STYX: variants seen among roughly 807,000 people sequenced by gnomAD.
The protein encoded by STYX is serine/threonine/tyrosine interacting protein, also known as serine/threonine/tyrosine-interacting protein.
A neutral mutation model predicts 42.7 loss-of-function variants in STYX; 20 were observed. The observed-to-expected ratio is 0.47, with a 90% confidence interval of 0.33 to 0.68. STYX has a LOEUF of 0.68. Among genes scored for constraint, STYX ranks in the 30% least tolerant of loss-of-function variants. The pLI is 0.02. For missense variants in STYX, 226 were observed against 268.5 expected (o/e 0.84, Z 1.11); for synonymous variants, 78 against 81.9 (o/e 0.95, Z 0.26).
chr14:52,759,663 A>G lies in STYX; in HGVS notation c.432-19A>G, dbSNP rs141718438. On this transcript the variant is annotated intron_variant, in intron 8 of 10. Coordinates refer to ENST00000354586, the MANE Select transcript of STYX (RefSeq NM_145251.4). ...CATTAAATAATGCTATCACATTAAC[A>G]CTCTTTTTCTGTTTTCAGAGATGCT... 4.5e-4 allele frequency: 687 copies of G among 1,524,592 alleles called. 6 individuals carry two copies. The African/African-American group carries it at 8.5e-3, about 19-fold the overall frequency. The allele number at this position is 1,524,592 out of a possible 1,614,324, so 94.4% of individuals were successfully genotyped here. A position where few individuals can be genotyped will look rare whatever the true frequency, so the allele number is the denominator to read the frequency against.
At chr14:52,754,036 T>A (rs1166091795) in intron 4 of STYX, among the ~76,000 whole-genome samples, 1 of 150,902 alleles carries the variant, frequency 6.6e-6, no homozygotes, top group Non-Finnish European at 1.5e-5. Flanking sequence ...ATTACAGGCA[T>A]GTGCCACCAC....
At chr14:52,745,063 A>G (rs1048850258) in intron 2 of STYX, among the ~76,000 whole-genome samples, 179 bp downstream of exon 2, 2 of 151,948 alleles carry the variant, frequency 1.3e-5, no homozygotes, top group Non-Finnish European at 2.9e-5. Flanking sequence ...GAAATTAGAA[A>G]GAGGAACGTA....
At chr14:52,740,678 C>T (rs1881152184) in intron 1 of STYX, among the ~76,000 whole-genome samples, 1 of 152,190 alleles carries the variant, frequency 6.6e-6, no homozygotes, top group Non-Finnish European at 1.5e-5. Flanking sequence ...TGTCCTCTGG[C>T]TTCTGTTCAT....
At chr14:52,734,740 A>C (rs1010164012) in intron 1 of STYX, among the ~76,000 whole-genome samples, 1 of 152,224 alleles carries the variant, frequency 6.6e-6, no homozygotes. Flanking sequence ...GTTGCAAGCA[A>C]CAAAAACGAA....
chr14:52,741,781 A>C (rs997502172), intron 1 of STYX, among the ~76,000 whole-genome samples: 1 of 151,916 alleles, frequency 6.6e-6, no homozygotes, highest in African/African-American at 2.4e-5. Flanking sequence ...TTATTTCTAC[A>C]TATTCTGTGT....
chr14:52,756,509 T>C, intron 4 of STYX, 42 bp from the exon 5 acceptor site: 1 of 1,161,544 alleles, frequency 8.6e-7, no homozygotes, highest in Non-Finnish European at 1.2e-6. Context: ...ACCTTAAGTG[T>C]TTTACTTAAA....
chr14:52,748,323 G>A (rs540832840), intron 3 of STYX, among the ~76,000 whole-genome samples: 1 of 152,196 alleles, frequency 6.6e-6, no homozygotes, highest in African/African-American at 2.4e-5. Flanking sequence ...CAAACTCCTG[G>A]GCTCAAGCTG....
At chr14:52,755,612 G>A (rs964710574) in intron 4 of STYX, among the ~76,000 whole-genome samples, 25 of 151,616 alleles carry the variant, frequency 1.6e-4, no homozygotes, top group Admixed American at 6.6e-5. Context: ...ACAAAAATAA[G>A]CTAACATATT....
At chr14:52,752,333 C>G (rs558581066) in intron 4 of STYX, among the ~76,000 whole-genome samples, 1 of 151,984 alleles carries the variant, frequency 6.6e-6, no homozygotes, top group East Asian at 1.9e-4. Context: ...GGCGTGGTGG[C>G]ACATGCCTGT....
intron 1 of STYX, 30 bp downstream of exon 1, chr14:52,730,561 G>A (rs748641389): frequency 6.2e-7 from 1 of 1,610,300 alleles, no homozygotes; most frequent in Non-Finnish European, 8.5e-7. Flanking sequence ...GCCACGCACA[G>A]GCCTCTCCCT....
Position 52,730,276 on chromosome 14 carries a change from C to T in STYX, c.-199C>T. The stretch of plus-strand genomic sequence containing the variant: ...GGCCGGGTGTAAGACGCCCGACCCT[C>T]CTCTTCCCTGTCTTCGCCGCCGCCG... On this transcript the variant is annotated 5_prime_UTR_variant, in exon 1 of 11. Coordinates refer to ENST00000354586, the MANE Select transcript of STYX (RefSeq NM_145251.4). The T allele has an allele frequency of 1.7e-6, 1 of 604,048 alleles. No homozygotes were observed. Among genetic ancestry groups the T allele is most frequent in the Non-Finnish European group, 3.0e-6 (1 of 338,310 alleles). 37.4% of individuals were successfully genotyped at this position (604,048 alleles called of 1,614,324 possible). A position where few individuals can be genotyped will look rare whatever the true frequency, so the allele number is the denominator to read the frequency against.
Position 52,739,028 on chromosome 14 carries a change from G to A in STYX, c.58-5824G>A, listed in dbSNP as rs551532738. 3.0e-3 allele frequency among the ~76,000 whole-genome samples: 450 copies of A among 148,342 alleles called. 2 individuals are homozygous for A. The highest frequency in any genetic ancestry group is 0.011 in the African/African-American group (437 of 39,984). ...CCTGTGATACCCCCATGCACATAAT[G>A]AATCTGTATACCTTTTCTCCGTTTA... On this transcript the variant is annotated intron_variant, in intron 1 of 10. Transcript: ENST00000354586.
At chr14:52,752,180 C>CA (rs58090538) in intron 4 of STYX, among the ~76,000 whole-genome samples, 31 of 149,274 alleles carry the variant, frequency 2.1e-4, no homozygotes, top group East Asian at 1.2e-3. Context: ...CAAAACAAAA[C>CA]AAAAAAAAAA....
At chr14:52,753,420 C>T (rs1468315428) in intron 4 of STYX, among the ~76,000 whole-genome samples, 3 of 152,060 alleles carry the variant, frequency 2.0e-5, no homozygotes, top group Admixed American at 6.6e-5. Flanking sequence ...CTCCTGACCT[C>T]GTGATCTGCC....
At chr14:52,763,287 G>A (rs1882172042) in intron 9 of STYX, among the ~76,000 whole-genome samples, 1 of 152,014 alleles carries the variant, frequency 6.6e-6, no homozygotes, top group Non-Finnish European at 1.5e-5. Context: ...TAGAATTAAG[G>A]AAAATAATAT....
chr14:52,750,666 C>CTTT lies in STYX; in HGVS notation c.145-9_145-7dup. ...ATTTATCTTCCCTGTCCTCCCCCTG[C>CTTT]TTTTTTTTTTATACAGCTACCTGTA... On this transcript the variant is annotated splice_polypyrimidine_tract_variant and intron_variant, in intron 3 of 10. Transcript: ENST00000354586. 4 of 1,239,068 alleles carry CTTT rather than the reference C, an allele frequency of 3.2e-6. No homozygotes were observed. The highest frequency in any genetic ancestry group is 2.4e-5 in the Admixed American group (1 of 42,538). The allele number at this position is 1,239,068 out of a possible 1,614,324, so 76.8% of individuals were successfully genotyped here. A position where few individuals can be genotyped will look rare whatever the true frequency, so the allele number is the denominator to read the frequency against.
At chr14:52,764,261 G>A (rs1237839769) in intron 9 of STYX, among the ~76,000 whole-genome samples, 9 of 152,124 alleles carry the variant, frequency 5.9e-5, no homozygotes, top group Admixed American at 6.5e-5. Flanking sequence ...AAAGTGCTGG[G>A]ATTACAGGTG....
In STYX at chr14:52,772,292, C is replaced by G. The variant is rs929321028; in HGVS notation, c.*1186C>G. 1 of 122,308 alleles carries G rather than the reference C, an allele frequency of 8.2e-6. No homozygotes were observed. Among genetic ancestry groups the G allele is most frequent in the African/African-American group, 3.1e-5 (1 of 32,078 alleles). The allele number at this position is 122,308 out of a possible 1,614,324, so 7.6% of individuals were successfully genotyped here. A position where few individuals can be genotyped will look rare whatever the true frequency, so the allele number is the denominator to read the frequency against. On this transcript the variant is annotated 3_prime_UTR_variant, in exon 11 of 11. Coordinates refer to ENST00000354586, the MANE Select transcript of STYX (RefSeq NM_145251.4). ...TGTTCCGGCTCAAACAGAAGCTTTT[C>G]TTTGGGGAAGGTGATTTGTGGGAGA...
At chr14:52,739,546 G>A (rs1336632902) in intron 1 of STYX, among the ~76,000 whole-genome samples, 1 of 151,428 alleles carries the variant, frequency 6.6e-6, no homozygotes, top group Admixed American at 6.6e-5. Flanking sequence ...TCTGTGTCAG[G>A]CACTGTGCTT....
Sources: gnomAD v4.1 joint callset for allele counts (sites outside exome capture counted in the v4.1 genomes callset) on GRCh38, gnomAD v4.1.1 for gene constraint, MANE v1.5 for transcripts, NCBI Gene and HGNC (gene_info 2026-07-23, HGNC 2026-07-21) for gene names.